Variants in EBF1 observed in about 807,000 individuals in gnomAD.
EBF1 encodes the protein EBF transcription factor 1.
EBF1 carries 10 observed loss-of-function variants against 68.4 expected under a neutral mutation model. The ratio of observed to expected loss-of-function variants is 0.15; its 90% confidence interval spans 0.09 to 0.25. EBF1 has a LOEUF of 0.25. EBF1 is among the 10% of genes least tolerant of loss of function. EBF1 has a pLI of 1.00. For synonymous variants in EBF1, 298 were observed against 299.8 expected (o/e 0.99, Z 0.06); for missense variants, 509 against 794.4 (o/e 0.64, Z 4.32).
intron 10 of EBF1, among the ~76,000 whole-genome samples, chr5:158,733,143 A>T (rs191137532): frequency 9.8e-4 from 150 of 152,330 alleles, no homozygotes; most frequent in African/African-American, 3.5e-3. Context: ...GATGCATGAG[A>T]GAGACAGGAA....
rs1756157579 is a variant in EBF1, at chr5:158,698,743, A to T, written c.*368T>A. The stretch of plus-strand genomic sequence containing the variant: ...CAGCTTTAAAAACATCATAAATTAA[A>T]ACATGGAGTCTTATTTATAGTGTCC... On this transcript the variant is annotated 3_prime_UTR_variant, in exon 16 of 16. Transcript: ENST00000313708. 1 of 230,526 alleles carries T rather than the reference A, an allele frequency of 4.3e-6. No individual in the cohort carries two copies. The highest frequency in any genetic ancestry group is 5.7e-5 in the Admixed American group (1 of 17,550). 14.3% of individuals were successfully genotyped at this position (230,526 alleles called of 1,614,324 possible). A position where few individuals can be genotyped will look rare whatever the true frequency, so the allele number is the denominator to read the frequency against.
intron 6 of EBF1, among the ~76,000 whole-genome samples, chr5:158,954,867 T>C (rs1055738523): frequency 3.3e-5 from 5 of 152,202 alleles, no homozygotes; most frequent in Non-Finnish European, 7.3e-5. Flanking sequence ...TCTCATACCA[T>C]TTTTCTCTAG....
At chr5:158,954,765 C>G (rs969186561) in intron 6 of EBF1, among the ~76,000 whole-genome samples, 2 of 152,270 alleles carry the variant, frequency 1.3e-5, no homozygotes, top group Non-Finnish European at 1.5e-5. Context: ...TGAGGCACTG[C>G]CTTTCTGGAC....
At chr5:159,009,144 C>T (rs1764147042) in intron 6 of EBF1, among the ~76,000 whole-genome samples, 1 of 152,148 alleles carries the variant, frequency 6.6e-6, no homozygotes, top group Non-Finnish European at 1.5e-5. Flanking sequence ...AGAAAACCCC[C>T]CAGAAAAGTT....
intron 10 of EBF1, among the ~76,000 whole-genome samples, chr5:158,773,768 G>A (rs896267047): frequency 6.6e-6 from 1 of 152,114 alleles, no homozygotes; most frequent in Non-Finnish European, 1.5e-5. Context: ...AGCTTCCAAG[G>A]CTACTTAGGG....
At chr5:158,750,065 A>C (rs1418787261) in intron 10 of EBF1, among the ~76,000 whole-genome samples, 3 of 152,272 alleles carry the variant, frequency 2.0e-5, no homozygotes, top group African/African-American at 7.2e-5. Context: ...TGCTCTGTCA[A>C]AAATTGTTTT....
intron 7 of EBF1, 128 bp from the exon 8 acceptor site, chr5:158,823,445 G>T: frequency 1.2e-6 from 1 of 869,358 alleles, no homozygotes; most frequent in Non-Finnish European, 1.7e-6. Context: ...AATAACTGGT[G>T]CTTATGCTGT....
intron 6 of EBF1, among the ~76,000 whole-genome samples, chr5:158,904,192 G>C (rs1217074897): frequency 1.3e-5 from 2 of 152,118 alleles, no homozygotes; most frequent in African/African-American, 4.8e-5. Context: ...GCCTTCTGGA[G>C]CCTCAATTTC....
intron 6 of EBF1, among the ~76,000 whole-genome samples, chr5:159,006,637 A>G (rs1763601823): frequency 8.0e-6 from 1 of 125,288 alleles, no homozygotes; most frequent in Non-Finnish European, 1.6e-5. Flanking sequence ...ATAACCAATC[A>G]TAGCCATGTT....
At chr5:158,740,987 C>T (rs577566482) in intron 10 of EBF1, among the ~76,000 whole-genome samples, 2 of 152,158 alleles carry the variant, frequency 1.3e-5, no homozygotes, top group African/African-American at 2.4e-5. Flanking sequence ...TACTTAGATG[C>T]GAACAGCTTA....
intron 6 of EBF1, among the ~76,000 whole-genome samples, chr5:158,859,077 C>T (rs567196713): frequency 1.3e-5 from 2 of 152,242 alleles, no homozygotes; most frequent in East Asian, 1.9e-4. Context: ...AAAAATCAGC[C>T]CCTCTCCATT....
chr5:158,711,667 T>C (rs1168110273), intron 14 of EBF1, among the ~76,000 whole-genome samples: 1 of 150,962 alleles, frequency 6.6e-6, no homozygotes, highest in African/African-American at 2.4e-5. Context: ...GGGGGTTTTT[T>C]TGTTTGCTTT....
intron 6 of EBF1, among the ~76,000 whole-genome samples, chr5:159,014,725 C>A (rs1765334367): frequency 6.6e-6 from 1 of 152,188 alleles, no homozygotes; most frequent in Admixed American, 6.5e-5. Context: ...AACCATGTGA[C>A]CAATTCCTGG....
chr5:159,056,584 G>A (rs773438324), intron 6 of EBF1, among the ~76,000 whole-genome samples: 6 of 152,122 alleles, frequency 3.9e-5, no homozygotes, highest in South Asian at 4.1e-4. Context: ...ACCTCTTCGG[G>A]CTTAGGCAAA....
intron 6 of EBF1, among the ~76,000 whole-genome samples, chr5:158,937,598 G>T (rs181654823): frequency 1.3e-5 from 2 of 152,338 alleles, no homozygotes; most frequent in African/African-American, 2.4e-5. Context: ...TGTAATTACA[G>T]AAAGGAAAAC....
chr5:158,856,601 T>C (rs939758613), intron 6 of EBF1, among the ~76,000 whole-genome samples: 2 of 150,724 alleles, frequency 1.3e-5, no homozygotes, highest in Admixed American at 6.6e-5. Context: ...AAAATAATAA[T>C]GAGTTAAGCA....
chr5:158,992,924 T>C (rs1017717890), intron 6 of EBF1, among the ~76,000 whole-genome samples: 1 of 94,960 alleles, frequency 1.1e-5, no homozygotes, highest in Non-Finnish European at 2.1e-5. Context: ...TTTCTTTTTT[T>C]TTTTTTTTTT....
At position 158,840,077 on chromosome 5, in the gene EBF1, T is replaced by C. The variant is rs751157675; in HGVS notation, c.588A>G (p.Gln196=). 4 of 1,614,036 alleles carry C rather than the reference T, an allele frequency of 2.5e-6. No individual in the cohort carries two copies. Among genetic ancestry groups the C allele is most frequent in the South Asian group, 1.1e-5 (1 of 91,074 alleles). The part of the protein sequence containing the change: ...FFLKFFLKCN[Q]NCLKNAGNPR... ...GGTTTCCCGCATTCTTTAGGCAATTTTGGTTACATTTGAGGAAAAATTTCA... is the reference window on the plus strand; with the variant it reads ...GGTTTCCCGCATTCTTTAGGCAATTCTGGTTACATTTGAGGAAAAATTTCA... Residue 196 remains glutamine (Q), a synonymous_variant, in exon 7 of 16, where the codon CAA becomes CAG. Coordinates refer to ENST00000313708, the MANE Select transcript of EBF1 (RefSeq NM_024007.5).
At chr5:158,951,074 T>C (rs1421229269) in intron 6 of EBF1, among the ~76,000 whole-genome samples, 1 of 152,228 alleles carries the variant, frequency 6.6e-6, no homozygotes, top group Non-Finnish European at 1.5e-5. Flanking sequence ...TCTGGGTTGG[T>C]CTGAACGCAT....
Sources: gnomAD v4.1 joint callset for allele counts (sites outside exome capture counted in the v4.1 genomes callset) on GRCh38, gnomAD v4.1.1 for gene constraint, MANE v1.5 for transcripts, NCBI Gene and HGNC (gene_info 2026-07-23, HGNC 2026-07-21) for gene names.